Variants in TMEM131 observed in about 807,000 individuals in gnomAD.
The protein encoded by TMEM131 is transmembrane protein 131.
TMEM131 carries 66 observed loss-of-function variants against 211.6 expected under a neutral mutation model. That is an observed-to-expected ratio of 0.31 (90% CI 0.26 to 0.38). The LOEUF (loss-of-function observed/expected upper bound fraction) is 0.38. Ranked by LOEUF, TMEM131 falls within the 10% of genes least tolerant of loss-of-function variation. The pLI, the probability that TMEM131 is intolerant of heterozygous loss-of-function variation, is 1.00. For synonymous variants in TMEM131, 844 were observed against 841.3 expected (o/e 1.00, Z -0.06); for missense variants, 2,036 against 2,299.3 (o/e 0.89, Z 2.34).
chr2:97,785,791 T>TA (rs1242467647), intron 31 of TMEM131, among the ~76,000 whole-genome samples: 1 of 152,128 alleles, frequency 6.6e-6, no homozygotes, highest in African/African-American at 2.4e-5. Context: ...AGCAAATGAC[T>TA]AAAAAACCTA....
At chr2:97,759,856 G>A in intron 38 of TMEM131, 107 bp from the exon 39 acceptor site, 2 of 772,256 alleles carry the variant, frequency 2.6e-6, no homozygotes, top group South Asian at 3.1e-5. Flanking sequence ...TTCAACTGGG[G>A]GTACTCAAAT....
chr2:97,862,978 A>T (rs1038009608), intron 4 of TMEM131, among the ~76,000 whole-genome samples: 1 of 152,182 alleles, frequency 6.6e-6, no homozygotes, highest in Non-Finnish European at 1.5e-5. Flanking sequence ...AGGATCCTAA[A>T]ATTAACAAGA....
At chr2:97,972,100 C>T (rs987317304) in intron 1 of TMEM131, among the ~76,000 whole-genome samples, 4 of 152,052 alleles carry the variant, frequency 2.6e-5, no homozygotes, top group Admixed American at 6.5e-5. Context: ...CCCAGCTACT[C>T]GGGAGGCTGA....
chr2:97,759,449 C>T (rs751331278), intron 39 of TMEM131: 27 of 575,554 alleles, frequency 4.7e-5, no homozygotes, highest in African/African-American at 2.1e-4. Flanking sequence ...GTGCGCACAC[C>T]GTGTCGAGCC....
At chr2:97,907,770 G>T (rs1676133185) in intron 3 of TMEM131, among the ~76,000 whole-genome samples, 1 of 152,148 alleles carries the variant, frequency 6.6e-6, no homozygotes, top group Admixed American at 6.5e-5. Context: ...CATGATGTGG[G>T]CTCCTTACCT....
At chr2:97,837,279 A>C (rs1682983570) in intron 7 of TMEM131, 122 bp from the exon 8 acceptor site, 2 of 655,848 alleles carry the variant, frequency 3.0e-6, no homozygotes, top group Non-Finnish European at 5.2e-6. Flanking sequence ...TAAAGATATA[A>C]ACGTAGGATA....
chr2:97,841,676 AAAAG>A, intron 7 of TMEM131, 135 bp downstream of exon 7: 1 of 960,004 alleles, frequency 1.0e-6, no homozygotes, highest in East Asian at 3.1e-5. Context: ...AAGCTGTACT[AAAAG>A]TAATACCCCT....
At chr2:97,865,182 G>A (rs1201357957) in intron 4 of TMEM131, among the ~76,000 whole-genome samples, 1 of 152,150 alleles carries the variant, frequency 6.6e-6, no homozygotes, top group Non-Finnish European at 1.5e-5. Context: ...TTCTCAATAC[G>A]CATTACCAGA....
rs183597507 is a variant in TMEM131 at position 97,851,593 on chromosome 2, T to C, written c.484-7332A>G. Among the ~76,000 whole-genome samples the C allele has an allele frequency of 5.1e-4, 78 of 152,360 alleles. 1 individual carries two copies. The highest frequency in any genetic ancestry group is 1.8e-3 in the African/African-American group (74 of 41,578). ...CATTTTTCCAACACCATGTACTCAC[T>C]TTCTATCTCTGTGTCACATTTTGGC... On this transcript the variant is annotated intron_variant, in intron 5 of 40. Transcript: ENST00000186436.
chr2:97,881,934 A>G (rs1386874166), intron 4 of TMEM131, among the ~76,000 whole-genome samples: 2 of 152,210 alleles, frequency 1.3e-5, no homozygotes, highest in Non-Finnish European at 2.9e-5. Context: ...AAAACATACA[A>G]TAACTTTAAA....
At chr2:97,802,854 A>G in intron 22 of TMEM131, 64 bp from the exon 23 acceptor site, 1 of 1,371,256 alleles carries the variant, frequency 7.3e-7, no homozygotes, top group Middle Eastern at 2.6e-4. Flanking sequence ...GAACATAAGA[A>G]ATTCAATTAG....
At position 97,928,308 on chromosome 2, in the gene TMEM131, T is replaced by C. The variant is rs146072496; in HGVS notation, c.188-821A>G. Among the ~76,000 whole-genome samples, 5 of 152,214 alleles carry C rather than the reference T, an allele frequency of 3.3e-5. No homozygotes were observed. In the South Asian group the frequency reaches 8.3e-4, roughly 25 times the overall value. On this transcript the variant is annotated intron_variant, in intron 1 of 40. Transcript: ENST00000186436. ...ATGGAGATAGTAAAAAGATCAGTGG[T>C]TGCTAGGAGATCAGGGGGAGATGGG...
At chr2:97,919,488 A>G (rs574704351) in intron 2 of TMEM131, among the ~76,000 whole-genome samples, 180 of 152,320 alleles carry the variant, frequency 1.2e-3, no homozygotes, top group African/African-American at 4.0e-3. Context: ...GTTTCAGTCT[A>G]TAAGTCAGCT....
intron 3 of TMEM131, among the ~76,000 whole-genome samples, chr2:97,896,803 T>A (rs1189371321): frequency 6.6e-6 from 1 of 152,106 alleles, no homozygotes; most frequent in Non-Finnish European, 1.5e-5. Context: ...TTTTTAAAAC[T>A]TGTTTGGTCT....
intron 12 of TMEM131, 130 bp from the exon 13 acceptor site, chr2:97,815,437 T>C: frequency 3.8e-6 from 2 of 521,410 alleles, no homozygotes; most frequent in Admixed American, 7.9e-5. Context: ...AGAACACTTT[T>C]TATAACATTT....
At chr2:97,804,835 C>A (rs1048263735) in intron 22 of TMEM131, among the ~76,000 whole-genome samples, 3 of 152,026 alleles carry the variant, frequency 2.0e-5, no homozygotes, top group Non-Finnish European at 2.9e-5. Context: ...AGAACAACTT[C>A]AAATATTTTC....
chr2:97,936,383 A>C (rs773733456), intron 1 of TMEM131, among the ~76,000 whole-genome samples: 10 of 152,328 alleles, frequency 6.6e-5, no homozygotes, highest in Admixed American at 1.3e-4. Context: ...CTAAGCTCTC[A>C]CACCTGGGGC....
chr2:97,812,332 A>T (rs1352230142), intron 17 of TMEM131, 89 bp downstream of exon 17: 1 of 1,403,512 alleles, frequency 7.1e-7, no homozygotes, highest in African/African-American at 1.4e-5. Context: ...GCATAAAAAT[A>T]ATAGTGATAC....
rs116707109 is a variant in TMEM131, at chr2:97,869,734, G to A, written c.360-10307C>T. Among the ~76,000 whole-genome samples the A allele has an allele frequency of 5.1e-3, 784 of 152,286 alleles. 6 individuals are homozygous for A. Among genetic ancestry groups the A allele is most frequent in the African/African-American group, 0.017 (723 of 41,548 alleles). On this transcript the variant is annotated intron_variant, in intron 4 of 40. Transcript: ENST00000186436. ...CCTCACCATCCTCCGTTCCTTTGGT[G>A]ACATGAGCAGAATCTAGACCATGGA...
Sources: gnomAD v4.1 joint callset for allele counts (sites outside exome capture counted in the v4.1 genomes callset) on GRCh38, gnomAD v4.1.1 for gene constraint, MANE v1.5 for transcripts, NCBI Gene and HGNC (gene_info 2026-07-23, HGNC 2026-07-21) for gene names.